The following KCNAB1 variants were observed in gnomAD, a reference collection of about 807,000 sequenced individuals.
KCNAB1 encodes voltage-gated potassium channel subunit beta-1.
A neutral mutation model predicts 64.6 loss-of-function variants in KCNAB1; 35 were observed. The ratio of observed to expected loss-of-function variants is 0.54; its 90% CI spans 0.41 to 0.72. KCNAB1 has a LOEUF of 0.72. Among genes scored for constraint, KCNAB1 ranks in the 30% least tolerant of loss-of-function variants. The pLI is 0.00. For synonymous variants in KCNAB1, 177 were observed against 183.8 expected (o/e 0.96, Z 0.30); for missense variants, 401 against 512.9 (o/e 0.78, Z 2.11).
intron 2 of KCNAB1, among the ~76,000 whole-genome samples, chr3:156,430,329 A>G (rs1716119738): frequency 6.6e-6 from 1 of 152,214 alleles, no homozygotes; most frequent in Non-Finnish European, 1.5e-5. Context: ...GGGCATGCAA[A>G]CAACCCATGT....
chr3:156,158,661 C>T (rs1227653269), intron 1 of KCNAB1, among the ~76,000 whole-genome samples: 2 of 152,148 alleles, frequency 1.3e-5, no homozygotes, highest in African/African-American at 4.8e-5. Flanking sequence ...ACAATGTGTA[C>T]AGGACTCTGT....
chr3:156,449,486 C>T (rs1261865312), intron 2 of KCNAB1, among the ~76,000 whole-genome samples: 1 of 152,162 alleles, frequency 6.6e-6, no homozygotes, highest in African/African-American at 2.4e-5. Context: ...AATGTGTGTA[C>T]AATCCTGGCT....
At chr3:156,515,050 G>GTAT in intron 9 of KCNAB1, 50 bp from the exon 10 acceptor site, 1 of 1,520,342 alleles carries the variant, frequency 6.6e-7, no homozygotes. Flanking sequence ...TTACAGCGAA[G>GTAT]CCTTATTTCT....
intron 1 of KCNAB1, among the ~76,000 whole-genome samples, chr3:156,146,477 G>C (rs1361105416): frequency 6.6e-6 from 1 of 152,136 alleles, no homozygotes; most frequent in Non-Finnish European, 1.5e-5. Flanking sequence ...AAAATATCTA[G>C]ACTGAGTTAA....
chr3:156,373,483 A>G (rs1209821027), intron 1 of KCNAB1, among the ~76,000 whole-genome samples: 2 of 152,242 alleles, frequency 1.3e-5, no homozygotes, highest in African/African-American at 4.8e-5. Context: ...GTTTTTAAAA[A>G]AGGAAGAAAT....
chr3:156,463,823 TA>T, intron 6 of KCNAB1, 77 bp downstream of exon 6: 1 of 1,145,800 alleles, frequency 8.7e-7, no homozygotes, highest in Non-Finnish European at 1.3e-6. Context: ...ATTTTACATA[TA>T]ACGTACCAAA....
intron 1 of KCNAB1, among the ~76,000 whole-genome samples, chr3:156,150,542 GA>G (rs909829310): frequency 7.9e-5 from 12 of 152,100 alleles, no homozygotes; most frequent in African/African-American, 2.9e-4. Flanking sequence ...GGTTTCGTCT[GA>G]AAAAAAGTGA....
At chr3:156,372,272 G>C (rs1726355820) in intron 1 of KCNAB1, among the ~76,000 whole-genome samples, 1 of 152,210 alleles carries the variant, frequency 6.6e-6, no homozygotes, top group Non-Finnish European at 1.5e-5. Flanking sequence ...GCGTGGCTTT[G>C]GCCTTAGCAC....
chr3:156,278,514 C>T (rs541835187), intron 1 of KCNAB1, among the ~76,000 whole-genome samples: 1 of 152,086 alleles, frequency 6.6e-6, no homozygotes, highest in African/African-American at 2.4e-5. Context: ...TGCAACATAG[C>T]GGGTGCTCAA....
rs528104714 is a variant in KCNAB1, at chr3:156,336,017, A to G, written c.276-85599A>G. On this transcript the variant is annotated intron_variant, in intron 1 of 13. Transcript: ENST00000490337. ...AGTCAGAAACATTGGTTACAATTCT[A>G]GGAACTATAATTATTGGTTTAACTT... is the stretch of plus-strand genomic sequence containing the variant. Among the ~76,000 whole-genome samples the G allele has an allele frequency of 1.0e-3, 158 of 152,284 alleles. 1 individual carries two copies. The highest frequency in any genetic ancestry group is 1.7e-3 in the Non-Finnish European group (113 of 68,028).
intron 1 of KCNAB1, among the ~76,000 whole-genome samples, chr3:156,270,496 A>G (rs2108491058): frequency 6.6e-6 from 1 of 152,238 alleles, no homozygotes; most frequent in Middle Eastern, 3.4e-3. Flanking sequence ...CTTGCACTTA[A>G]TATCTTATAA....
At chr3:156,292,790 G>A (rs970696499) in intron 1 of KCNAB1, among the ~76,000 whole-genome samples, 1 of 152,166 alleles carries the variant, frequency 6.6e-6, no homozygotes, top group African/African-American at 2.4e-5. Context: ...TGATCCGCCG[G>A]CCTTGGCCTC....
chr3:156,407,395 T>C (rs1448831042), intron 1 of KCNAB1, among the ~76,000 whole-genome samples: 1 of 152,212 alleles, frequency 6.6e-6, no homozygotes, highest in African/African-American at 2.4e-5. Context: ...ATTTAAGTTT[T>C]CATAGCACCT....
At chr3:156,175,521 A>G (rs947969671) in intron 1 of KCNAB1, among the ~76,000 whole-genome samples, 7 of 152,194 alleles carry the variant, frequency 4.6e-5, no homozygotes, top group African/African-American at 9.7e-5. Context: ...TCGGAGGCTG[A>G]GGCAGGAGAA....
At chr3:156,398,038 C>A (rs1379682016) in intron 1 of KCNAB1, among the ~76,000 whole-genome samples, 1 of 152,090 alleles carries the variant, frequency 6.6e-6, no homozygotes, top group Non-Finnish European at 1.5e-5. Flanking sequence ...TATACATGTA[C>A]CACTATGCTC....
intron 1 of KCNAB1, among the ~76,000 whole-genome samples, chr3:156,419,719 T>A (rs561838721): frequency 5.2e-4 from 79 of 152,330 alleles, no homozygotes; most frequent in Admixed American, 1.2e-3. Flanking sequence ...CCTCATGTGA[T>A]CTCCACGGTA....
intron 2 of KCNAB1, among the ~76,000 whole-genome samples, chr3:156,447,847 T>C (rs1314811800): frequency 6.6e-6 from 1 of 152,236 alleles, no homozygotes; most frequent in East Asian, 1.9e-4. Context: ...TTTTGATAAT[T>C]GCACTATGGT....
intron 1 of KCNAB1, among the ~76,000 whole-genome samples, chr3:156,186,407 G>A (rs1022926318): frequency 2.6e-5 from 4 of 152,126 alleles, no homozygotes; most frequent in African/African-American, 7.2e-5. Flanking sequence ...CCTGTTCAAA[G>A]CTGACATCTC....
At chr3:156,433,057 C>A (rs1315459757) in intron 2 of KCNAB1, among the ~76,000 whole-genome samples, 1 of 152,158 alleles carries the variant, frequency 6.6e-6, no homozygotes, top group Non-Finnish European at 1.5e-5. Context: ...AAAGCACGGC[C>A]AGGCACTTTT....
Sources: gnomAD v4.1 joint callset for allele counts (sites outside exome capture counted in the v4.1 genomes callset) on GRCh38, gnomAD v4.1.1 for gene constraint, MANE v1.5 for transcripts, NCBI Gene and HGNC (gene_info 2026-07-23, HGNC 2026-07-21) for gene names.